PREP: variants seen among roughly 807,000 people sequenced by gnomAD.
PREP encodes the protein dJ355L5.1 (prolyl endopeptidase).
Under a neutral mutation model 87.6 loss-of-function variants are expected in PREP, and 29 were observed. That is an observed-to-expected ratio of 0.33 (90% CI 0.25 to 0.45). The LOEUF (loss-of-function observed/expected upper bound fraction) is 0.45, where lower values mean the gene tolerates loss of function less well. Ranked by LOEUF, PREP falls within the 20% of genes least tolerant of loss-of-function variation. The pLI is 1.00. For synonymous variants in PREP, 337 were observed against 328.6 expected, an observed-to-expected ratio of 1.03 and a Z score of -0.28; for missense variants, 695 against 886.5, an observed-to-expected ratio of 0.78 and a Z score of 2.74.
At chr6:105,289,185 C>T (rs1313977372) in intron 10 of PREP, among the ~76,000 whole-genome samples, 2 of 152,180 alleles carry the variant, frequency 1.3e-5, no homozygotes, top group African/African-American at 4.8e-5. Context: ...AGCCTCAATT[C>T]TGCATCCCCA....
At chr6:105,321,144 C>T (rs1562198395) in intron 10 of PREP, among the ~76,000 whole-genome samples, 2 of 152,168 alleles carry the variant, frequency 1.3e-5, no homozygotes, top group African/African-American at 4.8e-5. Flanking sequence ...GGTATATAAT[C>T]AGTAGATACA....
At chr6:105,336,208 C>T (rs1771472625) in intron 7 of PREP, among the ~76,000 whole-genome samples, 1 of 151,870 alleles carries the variant, frequency 6.6e-6, no homozygotes, top group East Asian at 1.9e-4. Context: ...TGCAGTGAGC[C>T]GAGATCACAC....
At chr6:105,372,585 T>C (rs1772589498) in intron 5 of PREP, among the ~76,000 whole-genome samples, 1 of 152,112 alleles carries the variant, frequency 6.6e-6, no homozygotes, top group African/African-American at 2.4e-5. Flanking sequence ...AGGATCTTTG[T>C]GCAATTAAAG....
Position 105,378,941 on chromosome 6 carries a change from A to T in PREP, c.121-1422T>A, listed in dbSNP as rs553407117. On this transcript the variant is annotated intron_variant, in intron 2 of 14. Transcript: ENST00000652536. ...CAATGCTTTGGGTTCCCCTACAAAAACCACCAATCCCACTCTGCAGAACCA... is the reference window on the plus strand; with the variant it reads ...CAATGCTTTGGGTTCCCCTACAAAATCCACCAATCCCACTCTGCAGAACCA... Among the ~76,000 whole-genome samples the T allele has an allele frequency of 1.2e-4, 19 of 152,330 alleles. No individual in the cohort carries two copies. In the South Asian group the frequency reaches 3.9e-3, roughly 32 times the overall value.
At chr6:105,308,807 C>T (rs1310558911) in intron 10 of PREP, among the ~76,000 whole-genome samples, 1 of 152,074 alleles carries the variant, frequency 6.6e-6, no homozygotes, top group Non-Finnish European at 1.5e-5. Flanking sequence ...TGGGGAAAAC[C>T]ACATTCTAAA....
At chr6:105,388,830 A>G (rs1773068238) in intron 2 of PREP, among the ~76,000 whole-genome samples, 2 of 152,226 alleles carry the variant, frequency 1.3e-5, no homozygotes, top group Non-Finnish European at 2.9e-5. Flanking sequence ...GAATGGGTAG[A>G]AGGTGTCTCA....
rs1266778679 is a variant in PREP, at chr6:105,285,570, G to A, written c.1465C>T (p.Leu489Phe). 1 of 1,613,712 alleles carries A rather than the reference G, an allele frequency of 6.2e-7. No homozygotes were observed. Among genetic ancestry groups the A allele is most frequent in the Non-Finnish European group, 8.5e-7 (1 of 1,179,686 alleles). ...SITPNYSVSR[L>F]IFVRHMGGIL... Reference sequence around the variant, plus strand: ...CCACCCATGTGTCTCACAAAAATAAGCCTGGAAACACTGAGAAGCAGTAAA... The same window carrying A: ...CCACCCATGTGTCTCACAAAAATAAACCTGGAAACACTGAGAAGCAGTAAA... The change falls in exon 12 of 15, where the codon CTT becomes TTT. Residue 489 changes from leucine to phenylalanine, a missense_variant. By Grantham distance (22) the Leu-to-Phe change is conservative. Transcript: ENST00000652536.
At chr6:105,392,242 A>G (rs190038056) in intron 2 of PREP, among the ~76,000 whole-genome samples, 91 of 151,946 alleles carry the variant, frequency 6.0e-4, no homozygotes, top group Middle Eastern at 3.4e-3. Flanking sequence ...GTTTCACTGT[A>G]TTAGCCAGGA....
intron 5 of PREP, among the ~76,000 whole-genome samples, chr6:105,371,252 C>T (rs965508143): frequency 3.9e-5 from 6 of 152,086 alleles, no homozygotes; most frequent in African/African-American, 1.4e-4. Context: ...CGCCTATAAT[C>T]CCAGCACTTT....
rs1162700348 is a variant in PREP, at chr6:105,275,265, C to CTGG, written c.*2876_*2878dup. On this transcript the variant is annotated 3_prime_UTR_variant, in exon 15 of 15. Coordinates refer to ENST00000652536, the MANE Select transcript of PREP (RefSeq NM_002726.5). ...GGTAAAACTGACAAACCTTGAGAGA[C>CTGG]TGGTGACAGGCTTCCTTAGTTGAAA... 6.6e-6 allele frequency among the ~76,000 whole-genome samples: 1 copy of CTGG among 152,206 alleles called. No individual in the cohort carries two copies. The highest frequency in any genetic ancestry group is 1.5e-5 in the Non-Finnish European group (1 of 68,036).
intron 2 of PREP, among the ~76,000 whole-genome samples, chr6:105,387,108 G>A (rs1376037127): frequency 6.6e-6 from 1 of 152,126 alleles, no homozygotes; most frequent in African/African-American, 2.4e-5. Context: ...ACCTACTCAT[G>A]CTACTCAGGA....
At chr6:105,316,837 A>AG (rs1188792644) in intron 10 of PREP, among the ~76,000 whole-genome samples, 2 of 152,230 alleles carry the variant, frequency 1.3e-5, no homozygotes, top group East Asian at 3.9e-4. Context: ...TACACTGAGT[A>AG]TTGTTATCTA....
chr6:105,338,003 A>G lies in PREP; in HGVS notation c.824-4498T>C, dbSNP rs184705041. Among the ~76,000 whole-genome samples the G allele has an allele frequency of 2.0e-5, 3 of 152,358 alleles. No individual in the cohort carries two copies. The East Asian group carries it at 5.8e-4, about 29-fold the overall frequency. ...GGTGTACATAAAACAATGCTTTAAA[A>G]AAAAATCCCCATTCCTTAAAAGAAA... On this transcript the variant is annotated intron_variant, in intron 7 of 14. Transcript: ENST00000652536.
At chr6:105,317,748 G>A (rs939216741) in intron 10 of PREP, among the ~76,000 whole-genome samples, 8 of 152,140 alleles carry the variant, frequency 5.3e-5, no homozygotes, top group Non-Finnish European at 1.0e-4. Flanking sequence ...AACACCTGGA[G>A]AGCCATCTGG....
intron 6 of PREP, among the ~76,000 whole-genome samples, chr6:105,358,596 A>G (rs116304064): frequency 0.011 from 1,599 of 152,262 alleles, 23 homozygotes; most frequent in African/African-American, 0.037. Context: ...TTAAAAAAAC[A>G]GCCAAAAGCC....
At chr6:105,345,627 G>A (rs574069110) in intron 7 of PREP, among the ~76,000 whole-genome samples, 1 of 152,276 alleles carries the variant, frequency 6.6e-6, no homozygotes, top group Non-Finnish European at 1.5e-5. Flanking sequence ...ACAAATGCAA[G>A]GAGTGGTCAG....
At chr6:105,284,506 T>TA (rs1046481245) in intron 12 of PREP, among the ~76,000 whole-genome samples, 4 of 152,116 alleles carry the variant, frequency 2.6e-5, no homozygotes, top group African/African-American at 9.7e-5. Flanking sequence ...ACAGATATCT[T>TA]AAGGGTGGTC....
chr6:105,340,604 A>T (rs1231743580), intron 7 of PREP, among the ~76,000 whole-genome samples: 1 of 152,236 alleles, frequency 6.6e-6, no homozygotes, highest in Non-Finnish European at 1.5e-5. Context: ...GGCAAATTGG[A>T]TAAAGAGTCA....
rs147180023 is a variant in PREP at position 105,340,592 on chromosome 6, T to C, written c.824-7087A>G. Among the ~76,000 whole-genome samples the C allele has an allele frequency of 1.4e-3, 216 of 152,182 alleles. 1 individual carries two copies. The highest frequency in any genetic ancestry group is 4.9e-3 in the African/African-American group (202 of 41,514). Reference sequence around the variant, plus strand: ...AAATGCTCCAATTAAAAGACACAGATTGGCAAATTGGATAAAGAGTCAAGA... The same window carrying C: ...AAATGCTCCAATTAAAAGACACAGACTGGCAAATTGGATAAAGAGTCAAGA... On this transcript the variant is annotated intron_variant, in intron 7 of 14. Coordinates refer to ENST00000652536, the MANE Select transcript of PREP (RefSeq NM_002726.5).
Sources: gnomAD v4.1 joint callset for allele counts (sites outside exome capture counted in the v4.1 genomes callset) on GRCh38, gnomAD v4.1.1 for gene constraint, MANE v1.5 for transcripts, NCBI Gene and HGNC (gene_info 2026-07-23, HGNC 2026-07-21) for gene names.